CDK14: variants seen among roughly 807,000 people sequenced by gnomAD.
CDK14 encodes cyclin dependent kinase 14, also known as cyclin-dependent kinase 14.
Under a neutral mutation model 60.7 loss-of-function variants are expected in CDK14, and 34 were observed. The observed-to-expected ratio is 0.56, with a 90% CI of 0.43 to 0.75. CDK14 has a LOEUF of 0.75. CDK14 is among the 30% of genes least tolerant of loss of function. CDK14 has a pLI of 0.00. For missense variants in CDK14, 482 were observed against 564.1 expected, an observed-to-expected ratio of 0.85 and a Z score of 1.47; for synonymous variants, 197 against 203.7, an observed-to-expected ratio of 0.97 and a Z score of 0.28.
At chr7:90,936,206 A>C (rs1036160507) in intron 8 of CDK14, among the ~76,000 whole-genome samples, 4 of 152,196 alleles carry the variant, frequency 2.6e-5, no homozygotes, top group Non-Finnish European at 4.4e-5. Flanking sequence ...CAATATATAA[A>C]TTGCATTTTA....
At chr7:90,598,250 A>C (rs971593546) in intron 1 of CDK14, among the ~76,000 whole-genome samples, 1 of 152,270 alleles carries the variant, frequency 6.6e-6, no homozygotes, top group African/African-American at 2.4e-5. Flanking sequence ...CAAGGACATT[A>C]ATCTAAAAGT....
intron 8 of CDK14, among the ~76,000 whole-genome samples, chr7:90,921,687 C>T (rs1243906326): frequency 6.6e-6 from 1 of 151,792 alleles, no homozygotes; most frequent in African/African-American, 2.4e-5. Context: ...TGAGAGACAG[C>T]GAGAATTCTA....
At chr7:90,687,730 A>G (rs1327839483) in intron 2 of CDK14, among the ~76,000 whole-genome samples, 1 of 152,160 alleles carries the variant, frequency 6.6e-6, no homozygotes, top group Non-Finnish European at 1.5e-5. Flanking sequence ...TCAGTTATTT[A>G]AAACATAGCA....
chr7:90,791,076 C>T (rs1048445760), intron 5 of CDK14, among the ~76,000 whole-genome samples: 2 of 152,132 alleles, frequency 1.3e-5, no homozygotes, highest in Admixed American at 1.3e-4. Context: ...CTATCCTTTA[C>T]TGTACTTTTA....
intron 14 of CDK14, among the ~76,000 whole-genome samples, chr7:91,188,919 A>C (rs576385587): frequency 8.3e-4 from 126 of 152,302 alleles, no homozygotes; most frequent in African/African-American, 2.8e-3. Flanking sequence ...GTAACAACCA[A>C]GTGCCCAAAA....
intron 5 of CDK14, among the ~76,000 whole-genome samples, chr7:90,795,984 G>A (rs1788411431): frequency 6.6e-6 from 1 of 152,156 alleles, no homozygotes; most frequent in Non-Finnish European, 1.5e-5. Context: ...CTTTGGCTGG[G>A]TGTGAGGCAA....
chr7:90,606,226 C>T (rs1487664585), intron 2 of CDK14, among the ~76,000 whole-genome samples: 1 of 152,150 alleles, frequency 6.6e-6, no homozygotes, highest in African/African-American at 2.4e-5. Context: ...AGACTCAAGG[C>T]CAGAAAATCT....
At chr7:91,167,327 C>A (rs1801377136) in intron 14 of CDK14, among the ~76,000 whole-genome samples, 1 of 152,150 alleles carries the variant, frequency 6.6e-6, no homozygotes, top group Non-Finnish European at 1.5e-5. Context: ...TCCACATTTG[C>A]CTTATTATAT....
chr7:91,136,554 G>T (rs1190803152), intron 14 of CDK14, among the ~76,000 whole-genome samples: 2 of 152,114 alleles, frequency 1.3e-5, no homozygotes, highest in Admixed American at 1.3e-4. Context: ...TTAAAAATGT[G>T]ATATCTTAAC....
rs758824004 is a variant in CDK14, at chr7:91,077,843, T to C, written c.1106-1589T>C. Among the ~76,000 whole-genome samples the C allele has an allele frequency of 2.3e-4, 35 of 152,018 alleles. No homozygotes were observed. The Middle Eastern group carries it at 0.014, about 59-fold the overall frequency. ...ACCAAGAATCCAATATTAAAATTGG[T>C]ACCTTGATAAAAAACCAAGAATCCA... On this transcript the variant is annotated intron_variant, in intron 11 of 14. Transcript: ENST00000380050.
At chr7:90,923,863 A>G (rs1793329258) in intron 8 of CDK14, among the ~76,000 whole-genome samples, 1 of 152,262 alleles carries the variant, frequency 6.6e-6, no homozygotes, top group Admixed American at 6.5e-5. Context: ...ATGTATCCTT[A>G]GAAAATATTT....
At chr7:90,860,356 A>T (rs941497602) in intron 5 of CDK14, among the ~76,000 whole-genome samples, 2 of 151,944 alleles carry the variant, frequency 1.3e-5, no homozygotes, top group Non-Finnish European at 2.9e-5. Flanking sequence ...TGACCCCATA[A>T]TTCTATTTTT....
chr7:90,600,525 A>C (rs1479436348), intron 1 of CDK14, among the ~76,000 whole-genome samples: 1 of 152,210 alleles, frequency 6.6e-6, no homozygotes, highest in African/African-American at 2.4e-5. Flanking sequence ...TTTAAAGGAC[A>C]TGGTTTGTGA....
At chr7:90,704,370 G>C (rs902521988) in intron 2 of CDK14, among the ~76,000 whole-genome samples, 4 of 152,124 alleles carry the variant, frequency 2.6e-5, no homozygotes, top group South Asian at 2.1e-4. Flanking sequence ...TTTATCTTTA[G>C]CCAAGACATG....
chr7:90,915,143 C>G (rs952287499), intron 7 of CDK14, among the ~76,000 whole-genome samples: 6 of 152,060 alleles, frequency 3.9e-5, no homozygotes, highest in Non-Finnish European at 8.8e-5. Context: ...GAGGGCTTTT[C>G]TGGCCGAGTA....
chr7:90,789,824 G>T (rs893706643), intron 4 of CDK14, among the ~76,000 whole-genome samples: 65 of 152,206 alleles, frequency 4.3e-4, no homozygotes, highest in African/African-American at 1.5e-3. Flanking sequence ...TCAAGGAGGG[G>T]ACTAATATAG....
chr7:90,651,131 A>G (rs373396240), intron 2 of CDK14, among the ~76,000 whole-genome samples: 1 of 151,978 alleles, frequency 6.6e-6, no homozygotes, highest in Non-Finnish European at 1.5e-5. Flanking sequence ...CTTTTGTTTC[A>G]TTGAGCAGTG....
At chr7:91,110,129 A>G (rs1203843598) in intron 12 of CDK14, among the ~76,000 whole-genome samples, 1 of 152,122 alleles carries the variant, frequency 6.6e-6, no homozygotes, top group Non-Finnish European at 1.5e-5. Flanking sequence ...TGTCTTAACA[A>G]CTTAGGTAGA....
chr7:90,609,658 G>A (rs1799495905), intron 2 of CDK14, among the ~76,000 whole-genome samples: 1 of 152,060 alleles, frequency 6.6e-6, no homozygotes, highest in African/African-American at 2.4e-5. Flanking sequence ...TAGGATTCCT[G>A]TACATCCTGC....
Sources: allele counts gnomAD v4.1 joint callset (sites outside exome capture counted in the v4.1 genomes callset), GRCh38; gene constraint gnomAD v4.1.1; transcripts MANE v1.5; gene names NCBI Gene and HGNC (gene_info 2026-07-23, HGNC 2026-07-21).